Variants in GULP1 observed in about 807,000 individuals in gnomAD.
GULP1 encodes the protein GULP PTB domain containing engulfment adaptor 1.
Under a neutral mutation model 40.9 loss-of-function variants are expected in GULP1, and 19 were observed. The ratio of observed to expected loss-of-function variants is 0.46; its 90% CI spans 0.32 to 0.68. GULP1 has a LOEUF of 0.68. Ranked by LOEUF, GULP1 falls within the 30% of genes least tolerant of loss-of-function variation. GULP1 has a pLI of 0.03. For missense variants in GULP1, 312 were observed against 362.2 expected (o/e 0.86, Z 1.12); for synonymous variants, 119 against 117.6 (o/e 1.01, Z -0.08).
chr2:188,452,244 A>T (rs1437968165), intron 2 of GULP1, among the ~76,000 whole-genome samples: 2 of 152,202 alleles, frequency 1.3e-5, no homozygotes, highest in African/African-American at 4.8e-5. Context: ...AGAAAGCACC[A>T]GATCCAAAGG....
At chr2:188,447,570 C>G (rs1159094082) in intron 2 of GULP1, among the ~76,000 whole-genome samples, 3 of 152,176 alleles carry the variant, frequency 2.0e-5, no homozygotes, top group African/African-American at 7.2e-5. Context: ...CAGTAACATT[C>G]TGATCCCACT....
intron 1 of GULP1, among the ~76,000 whole-genome samples, chr2:188,325,572 C>G (rs138472474): frequency 6.6e-6 from 1 of 151,864 alleles, no homozygotes; most frequent in East Asian, 1.9e-4. Context: ...TAATTATTAT[C>G]CTAGCTATAA....
intron 4 of GULP1, among the ~76,000 whole-genome samples, chr2:188,512,636 A>G (rs1575697122): frequency 6.6e-6 from 1 of 152,152 alleles, no homozygotes; most frequent in East Asian, 1.9e-4. Flanking sequence ...AAATGAGTCC[A>G]TATGATGTCC....
chr2:188,304,273 T>C (rs1023699120), intron 1 of GULP1, among the ~76,000 whole-genome samples: 3 of 152,210 alleles, frequency 2.0e-5, no homozygotes, highest in African/African-American at 7.2e-5. Flanking sequence ...TTCTGTCTAT[T>C]AAGATCTTCA....
intron 4 of GULP1, among the ~76,000 whole-genome samples, chr2:188,493,216 A>G (rs2062577562): frequency 2.0e-5 from 3 of 152,074 alleles, no homozygotes; most frequent in Admixed American, 6.6e-5. Flanking sequence ...ACTTGAGAAT[A>G]TCTAGGACAT....
Position 188,587,878 on chromosome 2 carries a change from C to G in GULP1, c.772C>G (p.Pro258Ala). 6.2e-7 allele frequency: 1 copy of G among 1,608,752 alleles called. No homozygotes were observed. The highest frequency in any genetic ancestry group is 8.5e-7 in the Non-Finnish European group (1 of 1,175,348). Reference protein sequence around the residue: ...EIKRDLFGAEPFDPFNCGAAD... With the variant: ...EIKRDLFGAEAFDPFNCGAAD... ...AGAACGGGACCTGTTTGGAGCAGAA[C>G]CTTTTGACCCATTTAACTGTGGAGC... is the stretch of plus-strand genomic sequence containing the variant. The change falls in exon 11 of 12, where the codon CCT becomes GCT. Residue 258 changes from proline (P) to alanine (A), a missense_variant. Coordinates refer to ENST00000409830, the MANE Select transcript of GULP1 (RefSeq NM_016315.4).
chr2:188,426,907 T>C (rs1230648260), intron 2 of GULP1, among the ~76,000 whole-genome samples: 1 of 152,122 alleles, frequency 6.6e-6, no homozygotes, highest in Admixed American at 6.6e-5. Flanking sequence ...ACTTATTAAA[T>C]TGTTGTGACC....
intron 2 of GULP1, among the ~76,000 whole-genome samples, chr2:188,474,605 A>T (rs901355121): frequency 6.6e-6 from 1 of 152,136 alleles, no homozygotes; most frequent in Non-Finnish European, 1.5e-5. Context: ...GAGAGGAGTG[A>T]TGCTGGTGAT....
At chr2:188,352,612 T>TCACACACA (rs1265583408) in intron 1 of GULP1, among the ~76,000 whole-genome samples, 2 of 42,508 alleles carry the variant, frequency 4.7e-5, no homozygotes, top group African/African-American at 1.7e-4. Flanking sequence ...TCTCTCTCTC[T>TCACACACA]CTCTCTCACA....
chr2:188,557,843 A>G (rs1695188400), intron 7 of GULP1, among the ~76,000 whole-genome samples: 1 of 152,164 alleles, frequency 6.6e-6, no homozygotes, highest in African/African-American at 2.4e-5. Flanking sequence ...TATGACTTGC[A>G]CCCTCTGAAG....
At chr2:188,521,462 G>A (rs1212083575) in intron 4 of GULP1, among the ~76,000 whole-genome samples, 1 of 152,114 alleles carries the variant, frequency 6.6e-6, no homozygotes, top group African/African-American at 2.4e-5. Flanking sequence ...AGGTTTAATT[G>A]ACTCACAGTT....
intron 2 of GULP1, among the ~76,000 whole-genome samples, chr2:188,470,641 C>T (rs1193223568): frequency 6.6e-6 from 1 of 151,956 alleles, no homozygotes; most frequent in Non-Finnish European, 1.5e-5. Flanking sequence ...GGAAAATTTC[C>T]AATTTCCTTC....
intron 1 of GULP1, among the ~76,000 whole-genome samples, chr2:188,323,494 C>T (rs1021054802): frequency 1.3e-5 from 2 of 151,882 alleles, no homozygotes; most frequent in Admixed American, 6.6e-5. Flanking sequence ...TCATGAAGGA[C>T]TGTTATTTTA....
At chr2:188,451,052 T>C (rs1228853055) in intron 2 of GULP1, among the ~76,000 whole-genome samples, 1 of 152,242 alleles carries the variant, frequency 6.6e-6, no homozygotes, top group Non-Finnish European at 1.5e-5. Flanking sequence ...TGACTCTTTT[T>C]AGCTGAAAAC....
chr2:188,348,424 T>C (rs1276464282), intron 1 of GULP1, among the ~76,000 whole-genome samples: 1 of 152,188 alleles, frequency 6.6e-6, no homozygotes, highest in Non-Finnish European at 1.5e-5. Flanking sequence ...TGGAGTATCA[T>C]ATGAATCTTG....
intron 4 of GULP1, among the ~76,000 whole-genome samples, chr2:188,505,919 T>G (rs556459369): frequency 1.3e-5 from 2 of 151,964 alleles, no homozygotes; most frequent in East Asian, 3.9e-4. Context: ...CTTTTTTACC[T>G]CATAGTTGAC....
intron 1 of GULP1, among the ~76,000 whole-genome samples, chr2:188,366,530 A>G (rs970170974): frequency 3.3e-5 from 5 of 150,784 alleles, no homozygotes; most frequent in African/African-American, 9.8e-5. Flanking sequence ...ATGTCTGTCT[A>G]TCTACAATTA....
At chr2:188,342,347 C>G (rs1210383573) in intron 1 of GULP1, among the ~76,000 whole-genome samples, 4 of 152,136 alleles carry the variant, frequency 2.6e-5, no homozygotes, top group Non-Finnish European at 5.9e-5. Flanking sequence ...TAATCTTTGT[C>G]TATACCTTCA....
chr2:188,547,562 C>T (rs1407281821), intron 7 of GULP1, among the ~76,000 whole-genome samples: 1 of 152,100 alleles, frequency 6.6e-6, no homozygotes, highest in Non-Finnish European at 1.5e-5. Context: ...CTAGCCTTTT[C>T]ATGTTTTTCT....
Sources: gnomAD v4.1 joint callset for allele counts (sites outside exome capture counted in the v4.1 genomes callset) on GRCh38, gnomAD v4.1.1 for gene constraint, MANE v1.5 for transcripts, NCBI Gene and HGNC (gene_info 2026-07-23, HGNC 2026-07-21) for gene names.